ARHGAP32: variants seen among roughly 807,000 people sequenced by gnomAD.
ARHGAP32 encodes rho GTPase-activating protein 32.
In ARHGAP32, 51 loss-of-function variants were observed where a neutral mutation model predicts 186.5. The observed-to-expected ratio is 0.27, with a 90% confidence interval of 0.22 to 0.35. The LOEUF (loss-of-function observed/expected upper bound fraction) is 0.35. Ranked by LOEUF, ARHGAP32 falls within the 10% of genes least tolerant of loss-of-function variation. The probability of loss-of-function intolerance (pLI) is 1.00; values close to 1 mark genes in which losing one functional copy is unlikely to be tolerated. For synonymous variants in ARHGAP32, 950 were observed against 964.3 expected, an observed-to-expected ratio of 0.99 and a Z score of 0.27; for missense variants, 2,186 against 2,623.5, an observed-to-expected ratio of 0.83 and a Z score of 3.64.
At chr11:129,207,079 T>C (rs982241343) in intron 1 of ARHGAP32, among the ~76,000 whole-genome samples, 1 of 152,314 alleles carries the variant, frequency 6.6e-6, no homozygotes, top group Admixed American at 6.5e-5. Context: ...GCAAAGGACA[T>C]GAACTCATTC....
intron 1 of ARHGAP32, among the ~76,000 whole-genome samples, chr11:129,179,769 G>C (rs1464167178): frequency 2.1e-5 from 3 of 145,630 alleles, no homozygotes; most frequent in African/African-American, 2.5e-5. Context: ...ATAGGAAGGG[G>C]AACATCACAC....
intron 6 of ARHGAP32, among the ~76,000 whole-genome samples, chr11:129,073,084 G>C (rs1355099834): frequency 6.6e-6 from 1 of 152,080 alleles, no homozygotes; most frequent in East Asian, 1.9e-4. Context: ...CTCACAAAAA[G>C]ACTGAGACCT....
intron 1 of ARHGAP32, among the ~76,000 whole-genome samples, chr11:129,168,985 T>C (rs1039122695): frequency 2.6e-5 from 4 of 152,194 alleles, no homozygotes; most frequent in Non-Finnish European, 5.9e-5. Flanking sequence ...ATACAATAGA[T>C]GAAAATGTGT....
intron 1 of ARHGAP32, among the ~76,000 whole-genome samples, chr11:129,243,038 C>T (rs1166844623): frequency 2.0e-5 from 3 of 152,090 alleles, no homozygotes; most frequent in Non-Finnish European, 4.4e-5. Context: ...TCTCTAGCCA[C>T]CCAACTCCCT....
chr11:129,007,901 G>C (rs931369189), intron 11 of ARHGAP32, among the ~76,000 whole-genome samples: 5 of 152,176 alleles, frequency 3.3e-5, no homozygotes, highest in Non-Finnish European at 7.3e-5. Flanking sequence ...TCTGACGGCT[G>C]GGACAGATTT....
chr11:128,989,516 T>TCACACACACACACACACA lies in ARHGAP32; in HGVS notation c.1196-1409_1196-1392dup, dbSNP rs56090706. Among the ~76,000 whole-genome samples, 300 of 139,016 alleles carry TCACACACACACACACACA rather than the reference T, an allele frequency of 2.2e-3. 1 individual carries two copies. The highest frequency in any genetic ancestry group is 2.4e-3 in the Non-Finnish European group (158 of 64,818). The allele number at this position is 139,016 out of a possible 152,430, so 91.2% of individuals were successfully genotyped here. On this transcript the variant is annotated intron_variant, in intron 12 of 22. Coordinates refer to ENST00000682385, the MANE Select transcript of ARHGAP32 (RefSeq NM_001378024.1). ...CAATGCTTTTGTTTTGTTTTTTATT[T>TCACACACACACACACACA]CACACACACACACACACACACACAC...
At chr11:129,093,793 A>G in intron 5 of ARHGAP32, 86 bp from the exon 6 acceptor site, 2 of 897,976 alleles carry the variant, frequency 2.2e-6, no homozygotes, top group Non-Finnish European at 3.6e-6. Context: ...TACCTGGAGC[A>G]TCATCTCCGG....
chr11:129,072,823 G>A (rs533992002), intron 6 of ARHGAP32, among the ~76,000 whole-genome samples: 18 of 152,182 alleles, frequency 1.2e-4, no homozygotes, highest in Non-Finnish European at 2.4e-4. Flanking sequence ...AGGGACAGGA[G>A]AAAATAAACT....
chr11:129,220,572 C>T (rs1944699522), intron 1 of ARHGAP32, among the ~76,000 whole-genome samples: 1 of 152,122 alleles, frequency 6.6e-6, no homozygotes, highest in African/African-American at 2.4e-5. Context: ...GATACAGATT[C>T]CTCAATAAAC....
intron 1 of ARHGAP32, among the ~76,000 whole-genome samples, chr11:129,165,560 T>C (rs1248180210): frequency 3.4e-5 from 5 of 147,814 alleles, no homozygotes; most frequent in Admixed American, 1.4e-4. Context: ...CATTATCTAG[T>C]ATCCAGTAAA....
intron 2 of ARHGAP32, among the ~76,000 whole-genome samples, chr11:129,157,612 C>T (rs1943436013): frequency 6.6e-6 from 1 of 152,038 alleles, no homozygotes; most frequent in African/African-American, 2.4e-5. Flanking sequence ...GGCTGGTGTA[C>T]CTGAAAGTGA....
chr11:129,234,566 A>G (rs1030365977), intron 1 of ARHGAP32, among the ~76,000 whole-genome samples: 4 of 152,166 alleles, frequency 2.6e-5, no homozygotes, highest in African/African-American at 9.7e-5. Context: ...TATAATCTAT[A>G]TATCTGCAAG....
At chr11:129,101,611 TGAA>T (rs1941901529) in intron 5 of ARHGAP32, among the ~76,000 whole-genome samples, 1 of 152,060 alleles carries the variant, frequency 6.6e-6, no homozygotes, top group Admixed American at 6.5e-5. Flanking sequence ...TCTCAAAGCT[TGAA>T]GACAGGCATT....
At chr11:129,199,614 G>A (rs921367074) in intron 1 of ARHGAP32, among the ~76,000 whole-genome samples, 2 of 152,260 alleles carry the variant, frequency 1.3e-5, no homozygotes, top group African/African-American at 4.8e-5. Context: ...AGATTTCAGA[G>A]GATGTATGAA....
intron 10 of ARHGAP32, among the ~76,000 whole-genome samples, chr11:129,060,820 T>C (rs1417036203): frequency 5.1e-5 from 3 of 59,306 alleles, no homozygotes; most frequent in African/African-American, 1.0e-4. Flanking sequence ...AAAAAAAAAT[T>C]ATACATCAGA....
chr11:129,046,341 T>C (rs945785627), intron 10 of ARHGAP32, among the ~76,000 whole-genome samples: 2 of 145,514 alleles, frequency 1.4e-5, no homozygotes, highest in African/African-American at 5.4e-5. Context: ...TAAATATATA[T>C]ACCTTAATTT....
chr11:129,041,485 G>T (rs1482307631), intron 10 of ARHGAP32, among the ~76,000 whole-genome samples: 8 of 101,838 alleles, frequency 7.9e-5, no homozygotes, highest in African/African-American at 2.5e-4. Context: ...CTCTCTCCCA[G>T]GTTTCATAAA....
intron 2 of ARHGAP32, among the ~76,000 whole-genome samples, chr11:129,157,638 C>A (rs1351739524): frequency 6.6e-6 from 1 of 152,140 alleles, no homozygotes; most frequent in Non-Finnish European, 1.5e-5. Flanking sequence ...AGAATGGAAT[C>A]AAGCTGAAAA....
chr11:129,279,589 T>C (rs1040665263), upstream of ARHGAP32, among the ~76,000 whole-genome samples: 5 of 144,730 alleles, frequency 3.5e-5, no homozygotes, highest in African/African-American at 1.2e-4. Flanking sequence ...CCTCCTCCGC[T>C]CCGCCTCCTC....
Sources: allele counts gnomAD v4.1 joint callset (sites outside exome capture counted in the v4.1 genomes callset), GRCh38; gene constraint gnomAD v4.1.1; transcripts MANE v1.5; gene names NCBI Gene and HGNC (gene_info 2026-07-23, HGNC 2026-07-21).